SMG7: variants seen among roughly 807,000 people sequenced by gnomAD.
SMG7 encodes nonsense-mediated mRNA decay factor SMG7.
SMG7 carries 34 observed loss-of-function variants against 148.2 expected under a neutral mutation model. The ratio of observed to expected loss-of-function variants is 0.23; its 90% CI spans 0.17 to 0.31. The LOEUF (loss-of-function observed/expected upper bound fraction) is 0.31. SMG7 is among the 10% of genes least tolerant of loss of function. The pLI, the probability that SMG7 is intolerant of heterozygous loss-of-function variation, is 1.00. For missense variants in SMG7, 1,114 were observed against 1,408.4 expected (o/e 0.79, Z 3.35); for synonymous variants, 492 against 515.1 (o/e 0.96, Z 0.61).
At chr1:183,512,804 T>C in intron 1 of SMG7, 33 bp from the exon 2 acceptor site, 2 of 1,498,142 alleles carry the variant, frequency 1.3e-6, no homozygotes, top group South Asian at 1.2e-5. Flanking sequence ...TTCTAACTGA[T>C]ACTCTTTTTT....
intron 4 of SMG7, among the ~76,000 whole-genome samples, chr1:183,518,849 G>A (rs905633562): frequency 6.6e-6 from 1 of 152,176 alleles, no homozygotes; most frequent in Non-Finnish European, 1.5e-5. Flanking sequence ...TGAGAATCTT[G>A]CACTGAAAGA....
At chr1:183,537,642 C>CGT (rs1302431848) in intron 11 of SMG7, among the ~76,000 whole-genome samples, 1 of 152,184 alleles carries the variant, frequency 6.6e-6, no homozygotes, top group African/African-American at 2.4e-5. Context: ...CTTTTTCTTA[C>CGT]GTGTGTACAC....
At chr1:183,511,576 G>A (rs1224336231) in intron 1 of SMG7, among the ~76,000 whole-genome samples, 4 of 152,284 alleles carry the variant, frequency 2.6e-5, no homozygotes, top group African/African-American at 9.6e-5. Flanking sequence ...GAAGAGTAGT[G>A]GAAGTAGAGT....
At chr1:183,530,537 C>T (rs1666672948) in intron 8 of SMG7, among the ~76,000 whole-genome samples, 1 of 152,092 alleles carries the variant, frequency 6.6e-6, no homozygotes, top group Non-Finnish European at 1.5e-5. Context: ...TTTGTCATGT[C>T]CTAGGCTGTT....
chr1:183,511,108 G>C (rs1261027298), intron 1 of SMG7, among the ~76,000 whole-genome samples: 1 of 151,508 alleles, frequency 6.6e-6, no homozygotes, highest in African/African-American at 2.4e-5. Context: ...ACCATCCTGG[G>C]CAACATAGCA....
At chr1:183,504,226 TA>T (rs1001730029) in intron 1 of SMG7, among the ~76,000 whole-genome samples, 1 of 151,714 alleles carries the variant, frequency 6.6e-6, no homozygotes, top group African/African-American at 2.4e-5. Context: ...CTATTTAGAG[TA>T]AAAAAAAATT....
chr1:183,533,603 G>A, intron 9 of SMG7, 73 bp from the exon 10 acceptor site: 2 of 1,257,368 alleles, frequency 1.6e-6, no homozygotes, highest in South Asian at 1.4e-5. Flanking sequence ...ATAGTAGAAG[G>A]CACATAATAT....
intron 3 of SMG7, 51 bp downstream of exon 3, chr1:183,516,042 C>A: frequency 8.9e-7 from 1 of 1,126,412 alleles, no homozygotes; most frequent in Admixed American, 2.0e-5. Context: ...AGAATTTCAC[C>A]GAGACTTTAA....
intron 1 of SMG7, among the ~76,000 whole-genome samples, chr1:183,479,404 T>C (rs1247432218): frequency 6.6e-6 from 1 of 152,152 alleles, no homozygotes; most frequent in Admixed American, 6.5e-5. Context: ...ATAAAAAATG[T>C]CCACACATTG....
chr1:183,472,899 C>T, intron 1 of SMG7: 1 of 393,674 alleles, frequency 2.5e-6, no homozygotes, highest in Non-Finnish European at 4.5e-6. Flanking sequence ...GTTGGGGAAG[C>T]GTGAGAATGT....
chr1:183,515,562 T>C (rs1196744204), intron 2 of SMG7, among the ~76,000 whole-genome samples: 1 of 151,276 alleles, frequency 6.6e-6, no homozygotes, highest in Non-Finnish European at 1.5e-5. Flanking sequence ...TCCTGTTATA[T>C]GAAAAGGCAG....
In SMG7 at chr1:183,515,863, T is replaced by A. The variant is rs1291552670; in HGVS notation, c.62-11T>A. 9 of 1,587,544 alleles carry A rather than the reference T, an allele frequency of 5.7e-6. No individual in the cohort carries two copies. The African/African-American group carries it at 1.2e-4, about 21-fold the overall frequency. ...TCTATCTACCGTTATGTTTTTGTTTTTGTTACTCAGATTCTAAGCTGGGTC... is the reference window on the plus strand; with the variant it reads ...TCTATCTACCGTTATGTTTTTGTTTATGTTACTCAGATTCTAAGCTGGGTC... On this transcript the variant is annotated splice_polypyrimidine_tract_variant and intron_variant, in intron 2 of 22. Transcript: ENST00000688051.
chr1:183,535,126 ATATAT>A lies in SMG7; in HGVS notation c.1163+1300_1163+1304del, dbSNP rs3835737. Among the ~76,000 whole-genome samples the A allele has an allele frequency of 3.6e-3, 552 of 152,280 alleles. 5 individuals carry two copies. The East Asian group carries it at 0.056, about 16-fold the overall frequency. Reference sequence around the variant, plus strand: ...AGAACTCAAATTTATGTTTAATTCAATATATTATATCAGTAATGTTACAAAAGAAG... The same window carrying A: ...AGAACTCAAATTTATGTTTAATTCAATATATCAGTAATGTTACAAAAGAAG... On this transcript the variant is annotated intron_variant, in intron 10 of 22. Coordinates refer to ENST00000688051, the MANE Select transcript of SMG7 (RefSeq NM_001375584.1).
At chr1:183,538,701 C>T (rs1396969573) in intron 12 of SMG7, among the ~76,000 whole-genome samples, 4 of 152,188 alleles carry the variant, frequency 2.6e-5, no homozygotes, top group Non-Finnish European at 4.4e-5. Context: ...AACCTTGCTC[C>T]ATCTGTTATC....
intron 4 of SMG7, among the ~76,000 whole-genome samples, chr1:183,524,611 AT>A (rs946535182): frequency 9.9e-5 from 15 of 152,280 alleles, no homozygotes; most frequent in African/African-American, 2.6e-4. Context: ...AGGGTGTCTT[AT>A]TTTGTATTTT....
In SMG7 at chr1:183,521,313, G is replaced by A. The variant is rs553416335; in HGVS notation, c.312+3493G>A. On this transcript the variant is annotated intron_variant, in intron 4 of 22. Transcript: ENST00000688051. ...GGACTTTCGCCATGTTGGCCAGGCT[G>A]GTCTCAAACTTCTGACCTCAGGTGA... Among the ~76,000 whole-genome samples, 3 of 152,148 alleles carry A rather than the reference G, an allele frequency of 2.0e-5. No homozygotes were observed. In the South Asian group the frequency reaches 6.2e-4, roughly 32 times the overall value.
chr1:183,526,863 A>G (rs751359714), intron 5 of SMG7, 96 bp downstream of exon 5: 17 of 951,824 alleles, frequency 1.8e-5, no homozygotes, highest in Admixed American at 1.4e-4. Flanking sequence ...GAGCATACAC[A>G]CACAATTTAG....
At chr1:183,475,160 T>C (rs1416904744) in intron 1 of SMG7, among the ~76,000 whole-genome samples, 3 of 152,250 alleles carry the variant, frequency 2.0e-5, no homozygotes, top group Non-Finnish European at 4.4e-5. Context: ...TATTCATCTG[T>C]TCTTTCCACA....
chr1:183,543,815 C>G (rs1372467100), intron 14 of SMG7, among the ~76,000 whole-genome samples: 1 of 152,140 alleles, frequency 6.6e-6, no homozygotes, highest in Non-Finnish European at 1.5e-5. Flanking sequence ...CTGTTCCTTA[C>G]TGCTGAAAGT....
Sources: gnomAD v4.1 joint callset for allele counts (sites outside exome capture counted in the v4.1 genomes callset) on GRCh38, gnomAD v4.1.1 for gene constraint, MANE v1.5 for transcripts, NCBI Gene and HGNC (gene_info 2026-07-23, HGNC 2026-07-21) for gene names.